Variants in DPEP1 observed in about 807,000 individuals in gnomAD.
DPEP1 encodes the protein beta-lactamase.
DPEP1 carries 50 observed loss-of-function variants against 42.3 expected under a neutral mutation model. That is an observed-to-expected ratio of 1.18 (90% CI 0.94 to 1.50). DPEP1 has a LOEUF of 1.50. DPEP1 is among the 40% of genes most tolerant of loss of function. The pLI is 0.00. For synonymous variants in DPEP1, 297 were observed against 234.0 expected (o/e 1.27, Z -2.46); for missense variants, 663 against 553.0 (o/e 1.20, Z -1.99).
chr16:89,637,392 G>C lies in DPEP1; in HGVS notation c.768+12G>C, dbSNP rs944846486. On this transcript the variant is annotated intron_variant, in intron 7 of 10. Coordinates refer to ENST00000690203, the MANE Select transcript of DPEP1 (RefSeq NM_001389466.1). Reference sequence around the variant, plus strand: ...TCCTGAGGCTGGTGGTGAGGGCCGAGGGGGCGACCTCCACCCCGCCTCCCT... The same window carrying C: ...TCCTGAGGCTGGTGGTGAGGGCCGACGGGGCGACCTCCACCCCGCCTCCCT... 1.2e-6 allele frequency: 2 copies of C among 1,612,024 alleles called. No homozygotes were observed. The highest frequency in any genetic ancestry group is 1.1e-5 in the South Asian group (1 of 91,066).
At position 89,637,398 on chromosome 16, in the gene DPEP1, G is replaced by A. The variant is rs373571834; in HGVS notation, c.768+18G>A. The stretch of plus-strand genomic sequence containing the variant: ...GGCTGGTGGTGAGGGCCGAGGGGGC[G>A]ACCTCCACCCCGCCTCCCTGGGCAG... On this transcript the variant is annotated intron_variant, in intron 7 of 10. Transcript: ENST00000690203. The A allele has an allele frequency of 1.3e-5, 21 of 1,612,136 alleles. No homozygotes were observed. The highest frequency in any genetic ancestry group is 4.0e-5 in the African/African-American group (3 of 74,930).
chr16:89,616,432 G>T (rs459173), intron 1 of DPEP1, among the ~76,000 whole-genome samples: 139,296 of 151,964 alleles, frequency 0.92, 64,806 homozygotes, highest in Non-Finnish European at 0.99. Flanking sequence ...GCTCGGGGCT[G>T]TGCCGGGAGG....
intron 5 of DPEP1, 85 bp from the exon 6 acceptor site, chr16:89,636,781 G>A: frequency 1.2e-6 from 2 of 1,601,926 alleles, no homozygotes; most frequent in Non-Finnish European, 1.7e-6. Context: ...CTGCCTGTGA[G>A]TCCCAGGCCG....
chr16:89,639,821 G>A (rs2059730585), downstream of DPEP1, among the ~76,000 whole-genome samples: 1 of 152,154 alleles, frequency 6.6e-6, no homozygotes, highest in Non-Finnish European at 1.5e-5. Flanking sequence ...GAGTAGCTGG[G>A]ATTACAGATG....
chr16:89,638,822 A>C (rs929221403), downstream of DPEP1, among the ~76,000 whole-genome samples: 1 of 11,036 alleles, frequency 9.1e-5, no homozygotes, highest in Non-Finnish European at 1.6e-4. Flanking sequence ...CACACACCCC[A>C]CCCCTGCACA....
In DPEP1 at chr16:89,636,048, C is replaced by G. The variant is rs1158890150; in HGVS notation, c.237+8C>G. 2 of 1,603,038 alleles carry G rather than the reference C, an allele frequency of 1.2e-6. No individual in the cohort carries two copies. Among genetic ancestry groups the G allele is most frequent in the African/African-American group, 2.7e-5 (2 of 74,940 alleles). ...GGCTTTGTGGGAGGCCAGGTACCGC[C>G]TGCCCTGCCTTGTGCTTGCCCTGTG... is the stretch of plus-strand genomic sequence containing the variant. On this transcript the variant is annotated splice_region_variant and intron_variant, in intron 3 of 10. Transcript: ENST00000690203.
intron 1 of DPEP1, 55 bp from the exon 2 acceptor site, chr16:89,630,250 G>C (rs1024241413): frequency 4.0e-5 from 21 of 524,006 alleles, no homozygotes; most frequent in Non-Finnish European, 6.2e-5. Flanking sequence ...CTATAAACAG[G>C]AGAGCAGCCA....
intron 1 of DPEP1, among the ~76,000 whole-genome samples, chr16:89,625,747 T>C (rs996043386): frequency 3.3e-5 from 5 of 152,228 alleles, no homozygotes; most frequent in Non-Finnish European, 7.3e-5. Flanking sequence ...GTGACTACCT[T>C]GATCCGAGGG....
At chr16:89,640,645 C>T (rs2059736354), downstream of DPEP1, 1 of 985,068 alleles carries the variant, frequency 1.0e-6, no homozygotes, top group African/African-American at 1.7e-5. Flanking sequence ...CCTGTCTGTT[C>T]CCCTCCCAGC....
chr16:89,636,840 T>G, intron 5 of DPEP1, 26 bp from the exon 6 acceptor site: 5 of 1,612,032 alleles, frequency 3.1e-6, no homozygotes, highest in Non-Finnish European at 4.2e-6. Flanking sequence ...GCTCACCTCT[T>G]GGGCACCTGC....
rs996121916 is a variant in DPEP1 at position 89,637,320 on chromosome 16, C to T, written c.708C>T (p.Ser236=). 1.2e-5 allele frequency: 20 copies of T among 1,612,498 alleles called. No homozygotes were observed. Among genetic ancestry groups the T allele is most frequent in the Non-Finnish European group, 1.5e-5 (18 of 1,179,978 alleles). The change falls in exon 7 of 11, where the codon TCC becomes TCT. Residue 236 remains serine (S), a synonymous_variant. Transcript: ENST00000690203. ...GAGCCCCGGTCATCTTCAGCCACTC[C>T]TCGGCCTACAGCGTGTGCGCAAGCC... ...LSRAPVIFSH[S]SAYSVCASRR...
downstream of DPEP1, chr16:89,640,489 A>C: frequency 1.1e-6 from 1 of 891,536 alleles, no homozygotes; most frequent in Non-Finnish European, 1.3e-6. Flanking sequence ...ATGCCCTTCC[A>C]TGGAGCAGCA....
At chr16:89,618,943 C>CT (rs1277124325) in intron 1 of DPEP1, among the ~76,000 whole-genome samples, 15 of 102,356 alleles carry the variant, frequency 1.5e-4, no homozygotes, top group South Asian at 3.3e-4. Flanking sequence ...GCTCCCTGCC[C>CT]CCCTGCTCCC....
chr16:89,623,213 G>A (rs943751891), intron 1 of DPEP1, among the ~76,000 whole-genome samples: 1 of 152,082 alleles, frequency 6.6e-6, no homozygotes, highest in African/African-American at 2.4e-5. Flanking sequence ...CCAGCTACTT[G>A]GGAGGCTGAG....
Position 89,623,884 on chromosome 16 carries a change from A to G in DPEP1, c.-106-6421A>G, listed in dbSNP as rs138754086. 3.5e-3 allele frequency among the ~76,000 whole-genome samples: 534 copies of G among 152,256 alleles called. 2 individuals carry two copies. Among genetic ancestry groups the G allele is most frequent in the African/African-American group, 0.012 (512 of 41,546 alleles). On this transcript the variant is annotated intron_variant, in intron 1 of 10. Transcript: ENST00000690203. ...GCAGAGGAAACGCTCCAGGGAGTGA[A>G]AAAGCCTCACACTAAAGCACGTGGC...
At chr16:89,631,267 T>G (rs920220857) in intron 2 of DPEP1, among the ~76,000 whole-genome samples, 15 of 151,670 alleles carry the variant, frequency 9.9e-5, no homozygotes, top group East Asian at 9.8e-4. Context: ...GGCACCTGGG[T>G]CACCTGCTTC....
rs2059568944 is a variant in DPEP1 at position 89,630,418 on chromosome 16, G to A, written c.8G>A (p.Ser3Asn). ...GTCCCCGGGGACCCCACCATGTGGA[G>A]CGGATGGTGGCTGTGGCCCCTTGTG... MW[S>N]GWWLWPLVAV... The change falls in exon 2 of 11, where the codon AGC becomes AAC. Residue 3 changes from serine to asparagine, a missense_variant. Coordinates refer to ENST00000690203, the MANE Select transcript of DPEP1 (RefSeq NM_001389466.1). 1.9e-6 allele frequency: 3 copies of A among 1,610,726 alleles called. No individual in the cohort carries two copies. The highest frequency in any genetic ancestry group is 8.5e-7 in the Non-Finnish European group (1 of 1,178,516).
At chr16:89,621,437 C>T (rs960024079) in intron 1 of DPEP1, among the ~76,000 whole-genome samples, 1 of 152,174 alleles carries the variant, frequency 6.6e-6, no homozygotes, top group Non-Finnish European at 1.5e-5. Context: ...CCTGTGGACT[C>T]CCCCAGTGCA....
intron 2 of DPEP1, 79 bp from the exon 3 acceptor site, chr16:89,635,829 G>A (rs769952693): frequency 9.4e-6 from 14 of 1,494,304 alleles, no homozygotes; most frequent in Non-Finnish European, 8.9e-6. Flanking sequence ...GGGGAGAGCA[G>A]CCCAGAGGCC....
Sources: gnomAD v4.1 joint callset for allele counts (sites outside exome capture counted in the v4.1 genomes callset) on GRCh38, gnomAD v4.1.1 for gene constraint, MANE v1.5 for transcripts, NCBI Gene and HGNC (gene_info 2026-07-23, HGNC 2026-07-21) for gene names.